CHRM2: variants seen among roughly 807,000 people sequenced by gnomAD.
The protein encoded by CHRM2 is muscarinic acetylcholine receptor M2.
In CHRM2, 8 loss-of-function variants were observed where a neutral mutation model predicts 25.0. The ratio of observed to expected loss-of-function variants is 0.32; its 90% confidence interval spans 0.19 to 0.58. The LOEUF is 0.58. Among genes scored for constraint, CHRM2 ranks in the 20% least tolerant of loss-of-function variants. The pLI, the probability that CHRM2 is intolerant of heterozygous loss-of-function variation, is 0.88. For missense variants in CHRM2, 440 were observed against 567.1 expected (o/e 0.78, Z 2.28); for synonymous variants, 202 against 205.7 (o/e 0.98, Z 0.15).
At chr7:136,979,468 T>G (rs1048989398) in intron 2 of CHRM2, among the ~76,000 whole-genome samples, 9 of 152,216 alleles carry the variant, frequency 5.9e-5, no homozygotes, top group Non-Finnish European at 1.3e-4. Flanking sequence ...CATTTGTCAA[T>G]TTTGGCTTTT....
chr7:136,986,355 CTAAT>C (rs1802855094), intron 2 of CHRM2, among the ~76,000 whole-genome samples: 1 of 152,020 alleles, frequency 6.6e-6, no homozygotes, highest in South Asian at 2.1e-4. Flanking sequence ...TTTCTATACC[CTAAT>C]TATTTAAAAA....
chr7:136,894,684 A>AT (rs1413042702), intron 2 of CHRM2, among the ~76,000 whole-genome samples: 1 of 152,138 alleles, frequency 6.6e-6, no homozygotes, highest in Non-Finnish European at 1.5e-5. Context: ...TATTTTAAAC[A>AT]TTTTTAAAGT....
chr7:136,878,175 G>A (rs898773680), intron 2 of CHRM2, among the ~76,000 whole-genome samples: 8 of 151,948 alleles, frequency 5.3e-5, no homozygotes, highest in Non-Finnish European at 5.9e-5. Context: ...TCTTTGGAGA[G>A]CATCAGGGCA....
chr7:136,892,273 A>C (rs1796721396), intron 2 of CHRM2, among the ~76,000 whole-genome samples: 1 of 152,224 alleles, frequency 6.6e-6, no homozygotes, highest in Admixed American at 6.5e-5. Context: ...TGATACATGA[A>C]TTGAGAATAA....
intron 2 of CHRM2, among the ~76,000 whole-genome samples, chr7:136,973,705 T>G (rs1011359997): frequency 6.6e-6 from 1 of 151,820 alleles, no homozygotes; most frequent in African/African-American, 2.4e-5. Context: ...GTAATGATGA[T>G]GATGGCAGGG....
chr7:136,906,816 T>C (rs1292350982), intron 2 of CHRM2: 1 of 151,620 alleles, frequency 6.6e-6, no homozygotes, highest in Non-Finnish European at 1.5e-5. Context: ...TGGGGATGGA[T>C]GGTTTTGGGA....
intron 2 of CHRM2, among the ~76,000 whole-genome samples, chr7:136,971,053 T>C (rs1801734505): frequency 6.6e-6 from 1 of 152,220 alleles, no homozygotes; most frequent in African/African-American, 2.4e-5. Flanking sequence ...AAACACTGAA[T>C]AAATAGTTTG....
chr7:136,972,106 G>C (rs1801815961), intron 2 of CHRM2, among the ~76,000 whole-genome samples: 1 of 150,368 alleles, frequency 6.7e-6, no homozygotes. Context: ...AAAAGCAGCT[G>C]TTTTGGGCAA....
chr7:137,016,460 T>G lies in CHRM2; in HGVS notation c.*194T>G. On this transcript the variant is annotated 3_prime_UTR_variant, in exon 4 of 4. Coordinates refer to ENST00000680005, the MANE Select transcript of CHRM2 (RefSeq NM_001006630.2). Reference sequence around the variant, plus strand: ...TGCAAAAATTGCACCTTATAAACTGTCAGTATTAGGAGCAATGAGACAATG... The same window carrying G: ...TGCAAAAATTGCACCTTATAAACTGGCAGTATTAGGAGCAATGAGACAATG... The G allele has an allele frequency of 1.6e-6, 1 of 609,116 alleles. No individual in the cohort carries two copies. The highest frequency in any genetic ancestry group is 2.9e-5 in the East Asian group (1 of 35,080). The allele number at this position is 609,116 out of a possible 1,614,324, so 37.7% of individuals were successfully genotyped here.
At chr7:137,009,437 C>T (rs1804662370) in intron 3 of CHRM2, among the ~76,000 whole-genome samples, 1 of 151,996 alleles carries the variant, frequency 6.6e-6, no homozygotes, top group African/African-American at 2.4e-5. Flanking sequence ...TTTTCATGTG[C>T]AGAACCCTAC....
intron 2 of CHRM2, among the ~76,000 whole-genome samples, chr7:136,979,271 C>T (rs1362898816): frequency 3.3e-5 from 5 of 152,072 alleles, no homozygotes; most frequent in Non-Finnish European, 7.4e-5. Context: ...CTGTTGATAT[C>T]CTTTGCCCAC....
intron 3 of CHRM2, among the ~76,000 whole-genome samples, chr7:137,002,098 T>C (rs1427535365): frequency 6.6e-6 from 1 of 152,206 alleles, no homozygotes; most frequent in Non-Finnish European, 1.5e-5. Flanking sequence ...TCAAGAAGAC[T>C]GGCATTTAGA....
chr7:137,013,187 G>T (rs1584924823), intron 3 of CHRM2, among the ~76,000 whole-genome samples: 1 of 151,394 alleles, frequency 6.6e-6, no homozygotes, highest in East Asian at 2.0e-4. Flanking sequence ...TGACTTTTTT[G>T]CTCTATGCAA....
At chr7:137,004,531 G>A (rs890701925) in intron 3 of CHRM2, among the ~76,000 whole-genome samples, 1 of 152,198 alleles carries the variant, frequency 6.6e-6, no homozygotes, top group African/African-American at 2.4e-5. Context: ...AAGAGGGAAG[G>A]GGCTGAGGTC....
chr7:136,895,710 G>A (rs555609972), intron 2 of CHRM2, among the ~76,000 whole-genome samples: 2 of 152,146 alleles, frequency 1.3e-5, no homozygotes, highest in Admixed American at 6.5e-5. Context: ...CCTACTCCTC[G>A]CTTCTAAAAT....
At chr7:136,954,372 C>A (rs1207261243) in intron 2 of CHRM2, among the ~76,000 whole-genome samples, 1 of 152,110 alleles carries the variant, frequency 6.6e-6, no homozygotes, top group Admixed American at 6.5e-5. Context: ...CACATGTTAT[C>A]CTCATCTCAT....
intron 2 of CHRM2, among the ~76,000 whole-genome samples, chr7:136,936,774 T>C (rs1251207408): frequency 6.6e-6 from 1 of 152,186 alleles, no homozygotes; most frequent in East Asian, 1.9e-4. Flanking sequence ...TTTCAAATAT[T>C]TTCAACATTT....
intron 2 of CHRM2, among the ~76,000 whole-genome samples, chr7:136,978,574 T>C (rs1271457858): frequency 6.6e-6 from 1 of 152,164 alleles, no homozygotes; most frequent in Non-Finnish European, 1.5e-5. Flanking sequence ...CTACATGAAG[T>C]ATTTCTCCTA....
At chr7:136,976,162 G>A (rs905085451) in intron 2 of CHRM2, among the ~76,000 whole-genome samples, 2 of 152,108 alleles carry the variant, frequency 1.3e-5, no homozygotes, top group Non-Finnish European at 2.9e-5. Flanking sequence ...TAAGCATGGA[G>A]TATATTTAGG....
Sources: allele counts gnomAD v4.1 joint callset (sites outside exome capture counted in the v4.1 genomes callset), GRCh38; gene constraint gnomAD v4.1.1; transcripts MANE v1.5; gene names NCBI Gene and HGNC (gene_info 2026-07-23, HGNC 2026-07-21).